Variants in ADGRL3 observed in about 807,000 individuals in gnomAD.
The protein encoded by ADGRL3 is adhesion G protein-coupled receptor L3.
Under a neutral mutation model 153.5 loss-of-function variants are expected in ADGRL3, and 62 were observed. The ratio of observed to expected loss-of-function variants is 0.40; its 90% CI spans 0.33 to 0.50. The LOEUF is 0.50. ADGRL3 is among the 20% of genes least tolerant of loss of function. The probability of loss-of-function intolerance (pLI) is 0.47; values close to 1 mark genes in which losing one functional copy is unlikely to be tolerated. For missense variants in ADGRL3, 1,641 were observed against 1,859.4 expected (o/e 0.88, Z 2.16); for synonymous variants, 710 against 672.5 (o/e 1.06, Z -0.86).
intron 9 of ADGRL3, among the ~76,000 whole-genome samples, chr4:61,819,160 ATATC>A (rs1228725997): frequency 1.3e-5 from 2 of 152,122 alleles, no homozygotes; most frequent in African/African-American, 4.8e-5. Context: ...ATACATCTCT[ATATC>A]TATCTGCTCA....
intron 5 of ADGRL3, among the ~76,000 whole-genome samples, chr4:61,616,385 GA>G (rs1338760590): frequency 6.6e-6 from 1 of 151,922 alleles, no homozygotes. Context: ...TAGTTAAGTG[GA>G]AAAAACAATT....
intron 5 of ADGRL3, among the ~76,000 whole-genome samples, chr4:61,653,160 TCTCTCTCTCTCACACA>T (rs1234325131): frequency 4.6e-4 from 49 of 106,082 alleles, no homozygotes; most frequent in African/African-American, 1.8e-3. Context: ...TGTCTCTCTC[TCTCTCTCTCTCACACA>T]CACACACACA....
intron 8 of ADGRL3, among the ~76,000 whole-genome samples, chr4:61,794,536 T>TTGAAGAAATTAG (rs2097384060): frequency 6.6e-6 from 1 of 152,230 alleles, no homozygotes; most frequent in Admixed American, 6.5e-5. Flanking sequence ...TTCTGTGAAT[T>TTGAAGAAATTAG]CATTTGAAGA....
intron 1 of ADGRL3, among the ~76,000 whole-genome samples, chr4:61,274,321 A>G (rs1367770709): frequency 6.6e-6 from 1 of 152,222 alleles, no homozygotes; most frequent in Non-Finnish European, 1.5e-5. Context: ...TGCCATCTCC[A>G]GTATGAAATT....
chr4:61,705,797 C>T (rs2095848079), intron 6 of ADGRL3, among the ~76,000 whole-genome samples: 1 of 152,250 alleles, frequency 6.6e-6, no homozygotes, highest in East Asian at 1.9e-4. Flanking sequence ...AACCACTGCG[C>T]CCAGTCGAGT....
intron 2 of ADGRL3, among the ~76,000 whole-genome samples, chr4:61,433,359 T>C (rs1053941896): frequency 1.3e-5 from 2 of 151,870 alleles, no homozygotes; most frequent in Non-Finnish European, 2.9e-5. Flanking sequence ...TGAATAGCTT[T>C]TTTTTTAAAA....
chr4:61,607,286 A>G (rs1846161), intron 5 of ADGRL3, among the ~76,000 whole-genome samples: 46,867 of 151,860 alleles, frequency 0.31, 8,026 homozygotes, highest in East Asian at 0.54. Flanking sequence ...CAGAATGAAA[A>G]AGTCTGAAAA....
intron 8 of ADGRL3, among the ~76,000 whole-genome samples, chr4:61,755,874 G>A (rs1404216689): frequency 1.3e-5 from 2 of 152,070 alleles, no homozygotes; most frequent in Non-Finnish European, 2.9e-5. Flanking sequence ...TATTAAATAG[G>A]GAATCCTTTC....
At chr4:61,405,199 C>A (rs376180319) in intron 2 of ADGRL3, among the ~76,000 whole-genome samples, 9 of 151,874 alleles carry the variant, frequency 5.9e-5, no homozygotes, top group African/African-American at 1.9e-4. Flanking sequence ...GAAATAATGG[C>A]AGATTAAAAA....
rs1231441083 is a variant in ADGRL3 at position 61,200,836 on chromosome 4, A to T, written c.-1169A>T. ...CGGGGCCGCGCGATGAAGCTCCCAC[A>T]TGCCCGCAGCTGCCCGGCCCGGCCG... is the stretch of plus-strand genomic sequence containing the variant. On this transcript the variant is annotated 5_prime_UTR_variant, in exon 1 of 27. The change abolishes an upstream ATG in the 5' untranslated region. Transcript: ENST00000683033. Among the ~76,000 whole-genome samples, 1 of 151,710 alleles carries T rather than the reference A, an allele frequency of 6.6e-6. No individual in the cohort carries two copies. The highest frequency in any genetic ancestry group is 1.5e-5 in the Non-Finnish European group (1 of 67,920).
At chr4:61,409,759 G>T (rs1048200620) in intron 2 of ADGRL3, among the ~76,000 whole-genome samples, 12 of 151,760 alleles carry the variant, frequency 7.9e-5, no homozygotes, top group Admixed American at 3.9e-4. Flanking sequence ...CAATAAAATT[G>T]ACAATGATTT....
At chr4:61,994,728 C>G (rs1268599600) in intron 19 of ADGRL3, among the ~76,000 whole-genome samples, 1 of 151,968 alleles carries the variant, frequency 6.6e-6, no homozygotes, top group East Asian at 1.9e-4. Context: ...GAGGCAACCA[C>G]TAACATGAGT....
At chr4:61,375,697 A>T (rs1165093735) in intron 1 of ADGRL3, among the ~76,000 whole-genome samples, 1 of 152,176 alleles carries the variant, frequency 6.6e-6, no homozygotes, top group Non-Finnish European at 1.5e-5. Context: ...TAAGACATTC[A>T]AAGTGAATTA....
At chr4:61,962,593 C>T (rs2098992020) in intron 17 of ADGRL3, among the ~76,000 whole-genome samples, 1 of 151,538 alleles carries the variant, frequency 6.6e-6, no homozygotes, top group Non-Finnish European at 1.5e-5. Context: ...TATTTTTTTC[C>T]CTCATGATTA....
intron 2 of ADGRL3, among the ~76,000 whole-genome samples, chr4:61,456,436 TATA>T: frequency 8.1e-6 from 1 of 123,910 alleles, no homozygotes; most frequent in East Asian, 3.8e-4. Flanking sequence ...TATCTATATA[TATA>T]GATATATCTA....
chr4:61,737,075 T>G (rs2096527695), intron 8 of ADGRL3, among the ~76,000 whole-genome samples: 1 of 152,162 alleles, frequency 6.6e-6, no homozygotes, highest in African/African-American at 2.4e-5. Context: ...CATTGACTTT[T>G]TTTTTTTTCC....
Position 62,076,125 on chromosome 4 carries a change from G to T in ADGRL3, c.*5217G>T, listed in dbSNP as rs1024206931. On this transcript the variant is annotated 3_prime_UTR_variant, in exon 27 of 27. Coordinates refer to ENST00000683033, the MANE Select transcript of ADGRL3 (RefSeq NM_001387552.1). ...TAAAACAGGTAGTTAATATAGTTTCGCATAATCTCATTGAAAGATATTGCT... is the reference window on the plus strand; with the variant it reads ...TAAAACAGGTAGTTAATATAGTTTCTCATAATCTCATTGAAAGATATTGCT... The T allele has an allele frequency of 1.3e-5, 2 of 151,756 alleles. No individual in the cohort carries two copies. The highest frequency in any genetic ancestry group is 2.4e-5 in the African/African-American group (1 of 41,328). The allele number at this position is 151,756 out of a possible 1,614,324, so 9.4% of individuals were successfully genotyped here.
intron 8 of ADGRL3, among the ~76,000 whole-genome samples, chr4:61,734,374 AAAAG>A (rs1360870171): frequency 6.6e-6 from 1 of 152,168 alleles, no homozygotes; most frequent in African/African-American, 2.4e-5. Context: ...GGTAATTTAT[AAAAG>A]AAAGAGGTTT....
chr4:61,945,655 C>T (rs1234723496), intron 15 of ADGRL3, among the ~76,000 whole-genome samples: 1 of 143,762 alleles, frequency 7.0e-6, no homozygotes, highest in East Asian at 2.1e-4. Flanking sequence ...GTTTCTTAAG[C>T]CGGTCTGAAA....
Sources: allele counts gnomAD v4.1 joint callset (sites outside exome capture counted in the v4.1 genomes callset), GRCh38; gene constraint gnomAD v4.1.1; transcripts MANE v1.5; gene names NCBI Gene and HGNC (gene_info 2026-07-23, HGNC 2026-07-21).